The following GNAQ variants were observed in gnomAD, a reference collection of about 807,000 sequenced individuals.
The protein encoded by GNAQ is guanine nucleotide-binding protein G(q) subunit alpha.
A neutral mutation model predicts 43.9 loss-of-function variants in GNAQ; 8 were observed. The ratio of observed to expected loss-of-function variants is 0.18; its 90% CI spans 0.11 to 0.33. The LOEUF (loss-of-function observed/expected upper bound fraction) is 0.33, where lower values mean the gene tolerates loss of function less well. Among genes scored for constraint, GNAQ ranks in the 10% least tolerant of loss-of-function variants. The pLI, the probability that GNAQ is intolerant of heterozygous loss-of-function variation, is 1.00. For synonymous variants in GNAQ, 155 were observed against 170.7 expected, an observed-to-expected ratio of 0.91 and a Z score of 0.71; for missense variants, 158 against 450.8, an observed-to-expected ratio of 0.35 and a Z score of 5.88.
intron 1 of GNAQ, among the ~76,000 whole-genome samples, chr9:77,946,300 A>G (rs1471857058): frequency 1.3e-5 from 2 of 152,220 alleles, no homozygotes; most frequent in Admixed American, 6.5e-5. Flanking sequence ...TGTTGACAAA[A>G]GAAATTTTTG....
intron 2 of GNAQ, among the ~76,000 whole-genome samples, chr9:77,874,760 G>A (rs920033570): frequency 6.6e-6 from 1 of 151,904 alleles, no homozygotes; most frequent in Non-Finnish European, 1.5e-5. Flanking sequence ...AAGTAGCTGG[G>A]AATACAGGTG....
intron 5 of GNAQ, among the ~76,000 whole-genome samples, chr9:77,790,986 T>C (rs1826561917): frequency 6.6e-6 from 1 of 152,168 alleles, no homozygotes; most frequent in Non-Finnish European, 1.5e-5. Context: ...ACTTCAAAAA[T>C]CAGGTTTGAA....
intron 1 of GNAQ, among the ~76,000 whole-genome samples, chr9:77,985,878 G>A (rs1466815246): frequency 6.6e-6 from 1 of 152,128 alleles, no homozygotes; most frequent in Non-Finnish European, 1.5e-5. Flanking sequence ...ATGAGCCACC[G>A]CACCTGGCCT....
At chr9:77,805,921 G>C (rs1826822808) in intron 3 of GNAQ, among the ~76,000 whole-genome samples, 1 of 152,130 alleles carries the variant, frequency 6.6e-6, no homozygotes, top group Non-Finnish European at 1.5e-5. Flanking sequence ...CTCCTAAAAA[G>C]ATTCTATCAC....
At chr9:78,030,274 C>G (rs929874648) in intron 1 of GNAQ, among the ~76,000 whole-genome samples, 3 of 152,174 alleles carry the variant, frequency 2.0e-5, no homozygotes, top group African/African-American at 4.8e-5. Flanking sequence ...ACAAAAGATA[C>G]CGGTCGCTGT....
intron 1 of GNAQ, among the ~76,000 whole-genome samples, chr9:78,010,546 AT>A: frequency 1.3e-5 from 2 of 152,188 alleles, no homozygotes; most frequent in Non-Finnish European, 2.9e-5. Flanking sequence ...CTGAGATTCT[AT>A]AATTATAACT....
intron 3 of GNAQ, among the ~76,000 whole-genome samples, chr9:77,798,152 G>T (rs1826686256): frequency 6.6e-6 from 1 of 151,996 alleles, no homozygotes; most frequent in African/African-American, 2.4e-5. Flanking sequence ...CCTAAATTCT[G>T]TCCAGAGCCT....
chr9:77,913,869 T>A (rs1828850572), intron 2 of GNAQ, among the ~76,000 whole-genome samples: 3 of 152,170 alleles, frequency 2.0e-5, no homozygotes, highest in Admixed American at 2.0e-4. Context: ...TCAATACTGA[T>A]GTTGTGTGCA....
At chr9:77,883,840 G>A (rs1828258264) in intron 2 of GNAQ, among the ~76,000 whole-genome samples, 1 of 152,152 alleles carries the variant, frequency 6.6e-6, no homozygotes, top group Admixed American at 6.5e-5. Flanking sequence ...TCTAGTCTCT[G>A]TTCCCTGTTC....
At chr9:77,842,550 T>C (rs1308187420) in intron 2 of GNAQ, among the ~76,000 whole-genome samples, 1 of 152,230 alleles carries the variant, frequency 6.6e-6, no homozygotes, top group East Asian at 1.9e-4. Context: ...TGCTATGTTT[T>C]GGAGGTGCTT....
At chr9:77,896,257 C>T (rs1828501288) in intron 2 of GNAQ, among the ~76,000 whole-genome samples, 1 of 152,172 alleles carries the variant, frequency 6.6e-6, no homozygotes, top group Non-Finnish European at 1.5e-5. Context: ...ACTTCAGTAG[C>T]TATTTCCTTC....
intron 1 of GNAQ, among the ~76,000 whole-genome samples, chr9:78,009,849 G>A (rs1392951496): frequency 1.3e-5 from 2 of 151,944 alleles, no homozygotes; most frequent in African/African-American, 4.8e-5. Flanking sequence ...ACATGATAAA[G>A]GGAAAAGGAA....
At chr9:77,761,539 A>G (rs1349055289) in intron 5 of GNAQ, among the ~76,000 whole-genome samples, 2 of 123,538 alleles carry the variant, frequency 1.6e-5, no homozygotes, top group South Asian at 3.1e-4. Context: ...CCCGTCCGGG[A>G]GGGAGGTGGG....
At chr9:77,777,169 G>A (rs1405851370) in intron 5 of GNAQ, among the ~76,000 whole-genome samples, 2 of 151,984 alleles carry the variant, frequency 1.3e-5, no homozygotes, top group Non-Finnish European at 2.9e-5. Flanking sequence ...TGGGACAACT[G>A]GAAAACCACA....
chr9:77,802,948 C>T (rs1358280102), intron 3 of GNAQ, among the ~76,000 whole-genome samples: 2 of 151,900 alleles, frequency 1.3e-5, no homozygotes, highest in Non-Finnish European at 2.9e-5. Context: ...AAAGAAACCC[C>T]GAGCTCAATA....
At chr9:77,879,989 G>A (rs1332826557) in intron 2 of GNAQ, among the ~76,000 whole-genome samples, 1 of 152,160 alleles carries the variant, frequency 6.6e-6, no homozygotes, top group Non-Finnish European at 1.5e-5. Flanking sequence ...AATTTGTTTA[G>A]TGTCCAAGCA....
At chr9:77,728,058 G>C (rs62571039) in intron 6 of GNAQ, among the ~76,000 whole-genome samples, 1 of 151,702 alleles carries the variant, frequency 6.6e-6, no homozygotes, top group Non-Finnish European at 1.5e-5. Context: ...GCAGTGGCGC[G>C]ATCTTGGCTC....
intron 2 of GNAQ, among the ~76,000 whole-genome samples, chr9:77,840,116 A>G (rs759998366): frequency 2.0e-5 from 3 of 152,182 alleles, no homozygotes; most frequent in Non-Finnish European, 2.9e-5. Context: ...AGAAAATGTT[A>G]TAGTTCTTCC....
intron 1 of GNAQ, among the ~76,000 whole-genome samples, chr9:77,987,850 G>C (rs1458698796): frequency 6.6e-6 from 1 of 152,116 alleles, no homozygotes; most frequent in Non-Finnish European, 1.5e-5. Context: ...GGGCAGCACA[G>C]TGAGACCCCC....
Sources: gnomAD v4.1 joint callset for allele counts (sites outside exome capture counted in the v4.1 genomes callset) on GRCh38, gnomAD v4.1.1 for gene constraint, MANE v1.5 for transcripts, NCBI Gene and HGNC (gene_info 2026-07-23, HGNC 2026-07-21) for gene names.